Variants in MARCHF1 observed in about 807,000 individuals in gnomAD.
The protein encoded by MARCHF1 is E3 ubiquitin-protein ligase MARCHF1.
MARCHF1 carries 40 observed loss-of-function variants against 54.2 expected under a neutral mutation model. The observed-to-expected ratio is 0.74, with a 90% CI of 0.57 to 0.96. MARCHF1 has a LOEUF of 0.96. Ranked by LOEUF, MARCHF1 falls within the 40% of genes least tolerant of loss-of-function variation. The probability of loss-of-function intolerance (pLI) is 0.00; values close to 1 mark genes in which losing one functional copy is unlikely to be tolerated. For synonymous variants in MARCHF1, 236 were observed against 236.3 expected (o/e 1.00, Z 0.01); for missense variants, 586 against 656.5 (o/e 0.89, Z 1.17).
chr4:164,198,531 T>C (rs564000390), intron 1 of MARCHF1, among the ~76,000 whole-genome samples: 12 of 152,240 alleles, frequency 7.9e-5, no homozygotes, highest in Non-Finnish European at 1.8e-4. Context: ...ATGTCCCACA[T>C]TGACAAAATA....
intron 1 of MARCHF1, among the ~76,000 whole-genome samples, chr4:164,289,694 C>T (rs1348555883): frequency 6.6e-6 from 1 of 151,826 alleles, no homozygotes; most frequent in African/African-American, 2.4e-5. Context: ...TCTAATCAAA[C>T]CCTCACAGGC....
At chr4:164,036,326 C>T (rs1375779656) in intron 2 of MARCHF1, among the ~76,000 whole-genome samples, 1 of 151,906 alleles carries the variant, frequency 6.6e-6, no homozygotes, top group Non-Finnish European at 1.5e-5. Flanking sequence ...TTTTTCTATA[C>T]TACAATTGGA....
intron 3 of MARCHF1, among the ~76,000 whole-genome samples, chr4:163,948,717 G>C (rs1427515717): frequency 6.6e-6 from 1 of 152,190 alleles, no homozygotes; most frequent in Non-Finnish European, 1.5e-5. Flanking sequence ...GAACACTTCA[G>C]TTATTAGGTA....
intron 2 of MARCHF1, among the ~76,000 whole-genome samples, chr4:164,015,912 A>C (rs989891394): frequency 7.2e-5 from 11 of 152,136 alleles, no homozygotes; most frequent in South Asian, 2.1e-4. Flanking sequence ...AAAAAAAAAA[A>C]AACTAAAAAC....
chr4:163,667,614 T>C (rs1205092200), intron 5 of MARCHF1, among the ~76,000 whole-genome samples: 1 of 152,010 alleles, frequency 6.6e-6, no homozygotes, highest in African/African-American at 2.4e-5. Context: ...CTGCATAATG[T>C]CCATTATTAT....
chr4:164,223,076 A>T (rs1323722616), intron 1 of MARCHF1, among the ~76,000 whole-genome samples: 1 of 151,948 alleles, frequency 6.6e-6, no homozygotes, highest in Admixed American at 6.6e-5. Flanking sequence ...TCACTACCAC[A>T]AGAACAGTAT....
chr4:164,272,782 A>C (rs1192012571), intron 1 of MARCHF1, among the ~76,000 whole-genome samples: 1 of 151,888 alleles, frequency 6.6e-6, no homozygotes, highest in Non-Finnish European at 1.5e-5. Context: ...TATGTATTGA[A>C]TGTATTTTTT....
intron 1 of MARCHF1, among the ~76,000 whole-genome samples, chr4:164,351,398 C>A (rs548716456): frequency 6.6e-6 from 1 of 151,086 alleles, no homozygotes; most frequent in African/African-American, 2.4e-5. Context: ...GTTCTCCCAG[C>A]AGGCAGCTGG....
At chr4:164,035,177 C>A (rs1753966151) in intron 2 of MARCHF1, among the ~76,000 whole-genome samples, 1 of 151,868 alleles carries the variant, frequency 6.6e-6, no homozygotes, top group South Asian at 2.1e-4. Flanking sequence ...ATTTTTAAGT[C>A]TAATCAAAGA....
At chr4:163,783,646 A>G (rs1386553693) in intron 4 of MARCHF1, among the ~76,000 whole-genome samples, 1 of 152,212 alleles carries the variant, frequency 6.6e-6, no homozygotes, top group Non-Finnish European at 1.5e-5. Flanking sequence ...AAAATGTCAA[A>G]TTATGAAGGA....
At chr4:164,133,560 A>G (rs1160305072) in intron 1 of MARCHF1, among the ~76,000 whole-genome samples, 1 of 152,230 alleles carries the variant, frequency 6.6e-6, no homozygotes, top group African/African-American at 2.4e-5. Flanking sequence ...GGTGCAACAG[A>G]GAATGAAATC....
intron 5 of MARCHF1, among the ~76,000 whole-genome samples, chr4:163,660,558 C>T (rs1003901033): frequency 6.7e-6 from 1 of 150,348 alleles, no homozygotes; most frequent in Non-Finnish European, 1.5e-5. Context: ...TATCCCAGAA[C>T]TTAAAGTAAA....
chr4:164,197,260 G>A (rs1731296851), intron 1 of MARCHF1: 1 of 1,611,014 alleles, frequency 6.2e-7, no homozygotes, highest in Non-Finnish European at 8.5e-7. Context: ...TGAGTAAGGG[G>A]CCTCCTTGTG....
Position 163,636,145 on chromosome 4 carries a change from A to T in MARCHF1, c.163-22752T>A, listed in dbSNP as rs551062805. On this transcript the variant is annotated intron_variant, in intron 5 of 9. Transcript: ENST00000514618. ...AAACCCACAGCCAATATCATACTGA[A>T]TGGGAAAAAACTGGAAGCATTCCGT... Among the ~76,000 whole-genome samples, 22 of 152,334 alleles carry T rather than the reference A, an allele frequency of 1.4e-4. 1 individual carries two copies. The South Asian group carries it at 4.4e-3, about 30-fold the overall frequency.
intron 1 of MARCHF1, among the ~76,000 whole-genome samples, chr4:164,156,222 C>T (rs1025720351): frequency 3.3e-5 from 5 of 152,102 alleles, no homozygotes; most frequent in South Asian, 2.1e-4. Flanking sequence ...AAATTTTTCT[C>T]GCACAAAACT....
intron 1 of MARCHF1, among the ~76,000 whole-genome samples, chr4:164,346,606 A>ATGTG (rs1561011472): frequency 6.8e-4 from 1 of 1,472 alleles, no homozygotes; most frequent in African/African-American, 2.0e-3. Flanking sequence ...GTATGTATGT[A>ATGTG]TATATATATA....
intron 5 of MARCHF1, among the ~76,000 whole-genome samples, chr4:163,676,780 C>A (rs564628740): frequency 1.3e-5 from 2 of 151,858 alleles, no homozygotes; most frequent in East Asian, 3.9e-4. Flanking sequence ...AAAATAAGAA[C>A]TCAACTAGGT....
intron 2 of MARCHF1, among the ~76,000 whole-genome samples, chr4:164,060,806 G>C (rs1324478724): frequency 6.6e-6 from 1 of 152,102 alleles, no homozygotes; most frequent in African/African-American, 2.4e-5. Flanking sequence ...AAGCAACAAC[G>C]AAGATGTTCC....
chr4:163,879,499 A>G (rs1379542141), intron 3 of MARCHF1, among the ~76,000 whole-genome samples: 1 of 152,232 alleles, frequency 6.6e-6, no homozygotes, highest in Non-Finnish European at 1.5e-5. Context: ...AAAGGTGCTC[A>G]TGATATATTC....
Sources: allele counts gnomAD v4.1 joint callset (sites outside exome capture counted in the v4.1 genomes callset), GRCh38; gene constraint gnomAD v4.1.1; transcripts MANE v1.5; gene names NCBI Gene and HGNC (gene_info 2026-07-23, HGNC 2026-07-21).